PRIM2: variants seen among roughly 807,000 people sequenced by gnomAD.
PRIM2 encodes DNA primase subunit 2, also known as DNA primase large subunit.
Under a neutral mutation model 67.3 loss-of-function variants are expected in PRIM2, and 39 were observed. The observed-to-expected ratio is 0.58, with a 90% CI of 0.45 to 0.76. The LOEUF is 0.76. Among genes scored for constraint, PRIM2 ranks in the 30% least tolerant of loss-of-function variants. PRIM2 has a pLI of 0.00. For missense variants in PRIM2, 398 were observed against 598.7 expected (o/e 0.66, Z 3.50); for synonymous variants, 143 against 198.7 (o/e 0.72, Z 2.36).
intron 13 of PRIM2, among the ~76,000 whole-genome samples, chr6:57,634,957 C>G (rs1777094664): frequency 6.6e-6 from 1 of 151,688 alleles, no homozygotes; most frequent in African/African-American, 2.4e-5. Context: ...TGTGAATATC[C>G]TCCTTCATTT....
intron 7 of PRIM2, among the ~76,000 whole-genome samples, chr6:57,488,458 T>G (rs1337960387): frequency 6.6e-6 from 1 of 152,238 alleles, no homozygotes; most frequent in Non-Finnish European, 1.5e-5. Context: ...TGGGCCTTTT[T>G]GGCAGTAGAA....
chr6:57,594,522 C>T (rs1422373328), intron 10 of PRIM2, among the ~76,000 whole-genome samples: 6 of 152,194 alleles, frequency 3.9e-5, no homozygotes, highest in Non-Finnish European at 8.8e-5. Context: ...TAGACCTACA[C>T]ATATGTGGTC....
intron 10 of PRIM2, among the ~76,000 whole-genome samples, chr6:57,580,975 G>A (rs1317476191): frequency 1.3e-5 from 2 of 152,036 alleles, no homozygotes; most frequent in African/African-American, 2.4e-5. Flanking sequence ...TAAAAGGGAG[G>A]TGGGGACAGA....
At chr6:57,636,991 T>C (rs2127500546) in intron 13 of PRIM2, among the ~76,000 whole-genome samples, 1 of 152,228 alleles carries the variant, frequency 6.6e-6, no homozygotes, top group African/African-American at 2.4e-5. Context: ...CCGACAGACA[T>C]CTCATACAGG....
chr6:57,347,824 A>T (rs955473315), intron 5 of PRIM2, among the ~76,000 whole-genome samples: 2 of 152,210 alleles, frequency 1.3e-5, no homozygotes, highest in African/African-American at 4.8e-5. Flanking sequence ...CCTTAAAATT[A>T]GTCTTCTAAA....
At chr6:57,438,841 C>T (rs1347941597) in intron 7 of PRIM2, among the ~76,000 whole-genome samples, 6 of 150,418 alleles carry the variant, frequency 4.0e-5, no homozygotes, top group Admixed American at 3.3e-4. Flanking sequence ...AGTGTGATCT[C>T]GGCTCACTGC....
At chr6:57,442,910 C>T (rs1772244871) in intron 7 of PRIM2, among the ~76,000 whole-genome samples, 1 of 151,992 alleles carries the variant, frequency 6.6e-6, no homozygotes, top group South Asian at 2.1e-4. Flanking sequence ...ATATTTTGTA[C>T]CCTTTGATCA....
At chr6:57,367,607 G>A (rs1326767003) in intron 5 of PRIM2, among the ~76,000 whole-genome samples, 2 of 152,144 alleles carry the variant, frequency 1.3e-5, no homozygotes, top group African/African-American at 4.8e-5. Context: ...GGCTTACAGG[G>A]CAATTGTTCT....
chr6:57,512,763 A>C (rs1774398347), intron 8 of PRIM2, among the ~76,000 whole-genome samples: 1 of 151,812 alleles, frequency 6.6e-6, no homozygotes. Context: ...ACACCCAATA[A>C]ATTTTTTATT....
intron 10 of PRIM2, among the ~76,000 whole-genome samples, chr6:57,574,268 G>T (rs1320686261): frequency 1.3e-5 from 2 of 152,180 alleles, no homozygotes; most frequent in Admixed American, 6.5e-5. Flanking sequence ...TAACCAATGG[G>T]AGACCTCTAG....
intron 10 of PRIM2, among the ~76,000 whole-genome samples, chr6:57,554,454 A>C (rs1775468749): frequency 6.7e-6 from 1 of 150,238 alleles, no homozygotes; most frequent in Non-Finnish European, 1.5e-5. Flanking sequence ...CTAGGGATGA[A>C]CTAGATTTAG....
intron 7 of PRIM2, among the ~76,000 whole-genome samples, chr6:57,409,660 A>G (rs1393113073): frequency 6.6e-6 from 1 of 152,212 alleles, no homozygotes; most frequent in Non-Finnish European, 1.5e-5. Flanking sequence ...AATTTTAATC[A>G]TTCTAATGGA....
At chr6:57,369,553 C>G (rs922089978) in intron 5 of PRIM2, among the ~76,000 whole-genome samples, 5 of 152,110 alleles carry the variant, frequency 3.3e-5, no homozygotes, top group African/African-American at 1.2e-4. Context: ...AACTTCAAAG[C>G]TAGAATGTTC....
the PRIM2 span, among the ~76,000 whole-genome samples, chr6:57,289,267 G>A: frequency 7.9e-5 from 12 of 152,142 alleles, no homozygotes; most frequent in South Asian, 2.1e-3. Context: ...AAAGAGTGAA[G>A]AGAAAAGAAC....
At chr6:57,482,996 G>T (rs1447059882) in intron 7 of PRIM2, among the ~76,000 whole-genome samples, 5 of 152,034 alleles carry the variant, frequency 3.3e-5, no homozygotes, top group Non-Finnish European at 7.4e-5. Flanking sequence ...AGCAGCCTCC[G>T]CCTCCTGGGT....
the PRIM2 span, among the ~76,000 whole-genome samples, chr6:57,235,224 A>C: frequency 3.9e-5 from 6 of 152,202 alleles, no homozygotes; most frequent in African/African-American, 1.4e-4. Flanking sequence ...GCACTTTCGG[A>C]GGCCAAGGCA....
intron 13 of PRIM2, among the ~76,000 whole-genome samples, chr6:57,638,318 G>A (rs1235745139): frequency 2.0e-5 from 3 of 152,018 alleles, no homozygotes; most frequent in African/African-American, 7.2e-5. Context: ...AAAGACTGTC[G>A]ACACTATAAA....
At chr6:57,311,622 G>A (rs1020042263), upstream of PRIM2, among the ~76,000 whole-genome samples, 229 of 152,302 alleles carry the variant, frequency 1.5e-3, 1 homozygote, top group Middle Eastern at 3.4e-3. Context: ...CTTCCTAGAC[G>A]GGGTGACCGG....
At chr6:57,371,500 C>T (rs1036004883) in intron 5 of PRIM2, among the ~76,000 whole-genome samples, 1 of 152,150 alleles carries the variant, frequency 6.6e-6, no homozygotes, top group Non-Finnish European at 1.5e-5. Context: ...AGGATCATGA[C>T]AGGTTAACAC....
Sources: gnomAD v4.1 joint callset for allele counts (sites outside exome capture counted in the v4.1 genomes callset) on GRCh38, gnomAD v4.1.1 for gene constraint, MANE v1.5 for transcripts, NCBI Gene and HGNC (gene_info 2026-07-23, HGNC 2026-07-21) for gene names.